POSTN: variants seen among roughly 807,000 people sequenced by gnomAD.
The protein encoded by POSTN is osteoblast specific factor 2 (fasciclin I-like).
Under a neutral mutation model 104.5 loss-of-function variants are expected in POSTN, and 71 were observed. The ratio of observed to expected loss-of-function variants is 0.68; its 90% CI spans 0.56 to 0.83. The LOEUF is 0.83. POSTN is among the 40% of genes least tolerant of loss of function. The pLI, the probability that POSTN is intolerant of heterozygous loss-of-function variation, is 0.00. For missense variants in POSTN, 949 were observed against 1,006.8 expected, an observed-to-expected ratio of 0.94 and a Z score of 0.78; for synonymous variants, 355 against 340.7, an observed-to-expected ratio of 1.04 and a Z score of -0.46.
At position 37,569,395 on chromosome 13, in the gene POSTN, C is replaced by T. The variant is rs1950198910; in HGVS notation, c.2348-12G>A. On this transcript the variant is annotated splice_polypyrimidine_tract_variant and intron_variant, in intron 20 of 22. Transcript: ENST00000379747. ...GACCTTGGTGACCTCTGAGAGGATA[C>T]ATGTTTATAGCAGAAATTGGTTTAT... 3 of 1,595,168 alleles carry T rather than the reference C, an allele frequency of 1.9e-6. No individual in the cohort carries two copies. The highest frequency in any genetic ancestry group is 2.2e-5 in the East Asian group (1 of 44,692).
rs760682430 is a variant in POSTN at position 37,598,592 on chromosome 13, C to A, written c.119+16G>T. On this transcript the variant is annotated intron_variant, in intron 1 of 22. Transcript: ENST00000379747. ...GAAAAAGAAAAATGGTTTATAAAAC[C>A]AAACCACTCACTTACCCTTGGTCCC... 6.3e-7 allele frequency: 1 copy of A among 1,598,800 alleles called. No homozygotes were observed. Among genetic ancestry groups the A allele is most frequent in the East Asian group, 2.2e-5 (1 of 44,712 alleles).
chr13:37,588,113 A>G lies in POSTN; in HGVS notation c.442-127T>C, dbSNP rs991358939. The G allele has an allele frequency of 4.0e-6, 3 of 751,512 alleles. No individual in the cohort carries two copies. In the African/African-American group the frequency reaches 5.4e-5, roughly 14 times the overall value. The allele number at this position is 751,512 out of a possible 1,614,324, so 46.6% of individuals were successfully genotyped here. Reference sequence around the variant, plus strand: ...TATCAGATGGTCATACAAAATTGACATAAATAACTTAAAATTATATTATTC... The same window carrying G: ...TATCAGATGGTCATACAAAATTGACGTAAATAACTTAAAATTATATTATTC... On this transcript the variant is annotated intron_variant, in intron 4 of 22. Transcript: ENST00000379747.
intron 19 of POSTN, 34 bp from the exon 20 acceptor site, chr13:37,569,855 G>A (rs1358358393): frequency 7.0e-7 from 1 of 1,426,976 alleles, no homozygotes; most frequent in Non-Finnish European, 9.8e-7. Flanking sequence ...GTCTAAAACA[G>A]AAGTAGGCAA....
At chr13:37,571,119 G>T in intron 18 of POSTN, 1 of 391,828 alleles carries the variant, frequency 2.6e-6, no homozygotes, top group Non-Finnish European at 4.6e-6. Context: ...ACTTGTATAT[G>T]CAAAAATCAT....
At chr13:37,586,510 A>C (rs1466904498) in intron 6 of POSTN, among the ~76,000 whole-genome samples, 1 of 152,224 alleles carries the variant, frequency 6.6e-6, no homozygotes, top group Non-Finnish European at 1.5e-5. Context: ...CTGTAGCAAT[A>C]TCCAGCAGTA....
Position 37,563,210 on chromosome 13 carries a change from A to T in POSTN, c.*123T>A. ...AAATATTAAATTTGTGTTCAGAATT[A>T]TTTGATGATTGCTTCTTTGTGCTGA... is the stretch of plus-strand genomic sequence containing the variant. On this transcript the variant is annotated 3_prime_UTR_variant, in exon 23 of 23. Transcript: ENST00000379747. The T allele has an allele frequency of 1.9e-6, 1 of 524,926 alleles. No individual in the cohort carries two copies. 32.5% of individuals were successfully genotyped at this position (524,926 alleles called of 1,614,324 possible).
rs747555564 is a variant in POSTN at position 37,592,159 on chromosome 13, A to G, written c.224T>C (p.Val75Ala). Residue 75 changes from valine to alanine, a missense_variant, in exon 3 of 23, where the codon GTG becomes GCG. By Grantham distance (64) the Val-to-Ala change is moderately conservative (BLOSUM62 0). Coordinates refer to ENST00000379747, the MANE Select transcript of POSTN (RefSeq NM_006475.3). ...KKSICGQKTT[V>A]LYECCPGYMR... ...ATAACCAGGGCAACATTCATATAAC[A>G]CAGTCCTGTACATAGGAAGAAAATT... The G allele has an allele frequency of 5.8e-6, 9 of 1,563,586 alleles. No homozygotes were observed. The Admixed American group carries it at 8.5e-5, about 15-fold the overall frequency.
intron 21 of POSTN, among the ~76,000 whole-genome samples, chr13:37,567,257 A>G (rs868788999): frequency 6.8e-5 from 10 of 146,168 alleles, no homozygotes; most frequent in Middle Eastern, 3.5e-3. Flanking sequence ...AAAAAAATGT[A>G]CTACATGTAC....
Position 37,582,396 on chromosome 13 carries a change from G to A in POSTN, c.1362C>T (p.Gly454=). Residue 454 remains glycine, a synonymous_variant, in exon 10 of 23, where the codon GGC becomes GGT. Transcript: ENST00000379747. The part of the protein sequence containing the change: ...YNGQILETIG[G]KQLRVFVYRT... Reference sequence around the variant, plus strand: ...GATATACGAAGACTCTGAGCTGTTTGCCTCCGATGGTTTCCAGTATTTGCC... The same window carrying A: ...GATATACGAAGACTCTGAGCTGTTTACCTCCGATGGTTTCCAGTATTTGCC... 6.2e-7 allele frequency: 1 copy of A among 1,613,596 alleles called. No homozygotes were observed. Among genetic ancestry groups the A allele is most frequent in the East Asian group, 2.2e-5 (1 of 44,838 alleles).
intron 16 of POSTN, among the ~76,000 whole-genome samples, 163 bp downstream of exon 16, chr13:37,577,590 G>A (rs1321294361): frequency 1.3e-5 from 2 of 152,156 alleles, no homozygotes; most frequent in Non-Finnish European, 2.9e-5. Context: ...TGGAGTTGAA[G>A]GTTATCTGAG....
At chr13:37,565,123 G>A (rs9315503) in intron 21 of POSTN, 107,520 of 151,822 alleles carry the variant, frequency 0.71, 38,498 homozygotes, top group East Asian at 0.84. Context: ...CATCACCCTT[G>A]TTCCACCTCC....
At chr13:37,569,085 T>C (rs1334413823) in intron 21 of POSTN, 2 of 351,652 alleles carry the variant, frequency 5.7e-6, no homozygotes, top group African/African-American at 4.2e-5. Context: ...CCAAACTTTA[T>C]ACCATAGAAC....
intron 2 of POSTN, among the ~76,000 whole-genome samples, chr13:37,594,546 T>G (rs1212381654): frequency 6.6e-6 from 1 of 152,080 alleles, no homozygotes; most frequent in Non-Finnish European, 1.5e-5. Flanking sequence ...TTGCTATACA[T>G]AGCTCTAAAC....
chr13:37,570,474 C>G (rs1296427315), intron 19 of POSTN, 106 bp downstream of exon 19: 1 of 711,732 alleles, frequency 1.4e-6, no homozygotes, highest in East Asian at 2.6e-5. Context: ...CTTTAGTAAT[C>G]ACTATGAAAA....
chr13:37,591,859 A>C (rs1225576889), intron 3 of POSTN, among the ~76,000 whole-genome samples: 1 of 152,172 alleles, frequency 6.6e-6, no homozygotes, highest in East Asian at 1.9e-4. Flanking sequence ...CCTGAAGGGA[A>C]GCTGAACTAA....
At chr13:37,583,838 T>A in intron 9 of POSTN, 131 bp downstream of exon 9, 1 of 1,059,682 alleles carries the variant, frequency 9.4e-7, no homozygotes, top group East Asian at 2.6e-5. Flanking sequence ...TGTTAACACA[T>A]TGTATGTGTA....
chr13:37,564,419 A>G (rs2138126716), intron 22 of POSTN, 100 bp downstream of exon 22: 1 of 691,278 alleles, frequency 1.4e-6, no homozygotes, highest in Non-Finnish European at 2.4e-6. Flanking sequence ...GATCGATAAC[A>G]AGTTTCAATA....
At chr13:37,591,408 C>A (rs1401994027) in intron 3 of POSTN, among the ~76,000 whole-genome samples, 1 of 152,156 alleles carries the variant, frequency 6.6e-6, no homozygotes, top group Non-Finnish European at 1.5e-5. Context: ...AGGTACTTAT[C>A]TTGGTATTGT....
chr13:37,576,292 C>G (rs1395599961), intron 16 of POSTN, among the ~76,000 whole-genome samples: 1 of 152,010 alleles, frequency 6.6e-6, no homozygotes, highest in African/African-American at 2.4e-5. Context: ...TTTAATTTAT[C>G]TTTACTTCTA....
Sources: allele counts gnomAD v4.1 joint callset (sites outside exome capture counted in the v4.1 genomes callset), GRCh38; gene constraint gnomAD v4.1.1; transcripts MANE v1.5; gene names NCBI Gene and HGNC (gene_info 2026-07-23, HGNC 2026-07-21).